Variants in CHMP4B observed in about 807,000 individuals in gnomAD.
CHMP4B encodes the protein SNF7 homolog associated with Alix 1.
In CHMP4B, 1 loss-of-function variant was observed where a neutral mutation model predicts 25.1. The observed-to-expected ratio is 0.04, with a 90% CI of 0.01 to 0.19. CHMP4B has a LOEUF of 0.19. Ranked by LOEUF, CHMP4B falls within the 10% of genes least tolerant of loss-of-function variation. CHMP4B has a pLI of 1.00. For missense variants in CHMP4B, 151 were observed against 289.7 expected (o/e 0.52, Z 3.48); for synonymous variants, 101 against 115.6 (o/e 0.87, Z 0.81).
intron 1 of CHMP4B, among the ~76,000 whole-genome samples, chr20:33,824,032 T>C (rs988754019): frequency 2.0e-5 from 3 of 152,214 alleles, no homozygotes; most frequent in Non-Finnish European, 1.5e-5. Flanking sequence ...AATCTTGTCA[T>C]TGGAAATCAA....
intron 1 of CHMP4B, among the ~76,000 whole-genome samples, chr20:33,828,425 A>C (rs919111824): frequency 2.6e-5 from 4 of 152,250 alleles, no homozygotes; most frequent in Admixed American, 6.5e-5. Context: ...AGTGCCATGC[A>C]GAAAGCCAGC....
chr20:33,845,445 C>A, intron 1 of CHMP4B, among the ~76,000 whole-genome samples: 1 of 152,068 alleles, frequency 6.6e-6, no homozygotes. Flanking sequence ...GCCTCTGCCT[C>A]CCGAGTAGCT....
chr20:33,814,662 A>G (rs545537025), intron 1 of CHMP4B, among the ~76,000 whole-genome samples: 3 of 152,182 alleles, frequency 2.0e-5, no homozygotes, highest in Non-Finnish European at 4.4e-5. Context: ...TTATTTATTC[A>G]TTCACTTTAA....
At chr20:33,816,292 T>G (rs574265128) in intron 1 of CHMP4B, among the ~76,000 whole-genome samples, 124 of 152,232 alleles carry the variant, frequency 8.1e-4, no homozygotes, top group Non-Finnish European at 1.5e-3. Context: ...TTAAATATCA[T>G]CATTTATGAA....
chr20:33,830,933 G>GTTTTTTTTTTTTTTTTTTTTTTTTTTTT (rs55917511), intron 1 of CHMP4B, among the ~76,000 whole-genome samples: 16 of 102,572 alleles, frequency 1.6e-4, no homozygotes, highest in East Asian at 4.7e-4. Flanking sequence ...AAGGAACAGA[G>GTTTTTTTTTTTTTTTTTTTTTTTTTTTT]TTTTTTTTTT....
chr20:33,837,048 T>C (rs1337593703), intron 1 of CHMP4B, among the ~76,000 whole-genome samples: 4 of 152,174 alleles, frequency 2.6e-5, no homozygotes, highest in East Asian at 3.8e-4. Context: ...AATTGGCTAG[T>C]AAGACGAATT....
At chr20:33,831,472 C>T (rs966447248) in intron 1 of CHMP4B, among the ~76,000 whole-genome samples, 20 of 152,086 alleles carry the variant, frequency 1.3e-4, no homozygotes, top group African/African-American at 4.8e-4. Flanking sequence ...TCAAGTGATC[C>T]GCCCACCTTG....
In CHMP4B at chr20:33,853,572, G is replaced by A. The variant is rs771942400; in HGVS notation, c.*12G>A. The A allele has an allele frequency of 1.2e-5, 19 of 1,610,482 alleles. No individual in the cohort carries two copies. The highest frequency in any genetic ancestry group is 8.9e-5 in the East Asian group (4 of 44,870). ...CTGGATCCATGTAATGGGGTCCAGC[G>A]CTGGCTGGGCCCAGACAGACTGTGG... On this transcript the variant is annotated 3_prime_UTR_variant, in exon 5 of 5. Transcript: ENST00000217402.
chr20:33,836,065 CA>C (rs994237703), intron 1 of CHMP4B, among the ~76,000 whole-genome samples: 1 of 152,182 alleles, frequency 6.6e-6, no homozygotes, highest in African/African-American at 2.4e-5. Context: ...CAAACCATAG[CA>C]AATATCTTCC....
At chr20:33,830,039 C>T (rs1979196880) in intron 1 of CHMP4B, among the ~76,000 whole-genome samples, 1 of 152,204 alleles carries the variant, frequency 6.6e-6, no homozygotes, top group Non-Finnish European at 1.5e-5. Flanking sequence ...TTTGATTTGA[C>T]CAGATCTGAC....
chr20:33,811,775 TC>T, intron 1 of CHMP4B, 117 bp downstream of exon 1: 4 of 1,069,474 alleles, frequency 3.7e-6, no homozygotes, highest in Non-Finnish European at 5.6e-6. Context: ...ACTCTCCGGG[TC>T]AGACTTCTTG....
At chr20:33,841,637 C>CT (rs1371881267) in intron 1 of CHMP4B, among the ~76,000 whole-genome samples, 1 of 152,232 alleles carries the variant, frequency 6.6e-6, no homozygotes, top group Admixed American at 6.5e-5. Context: ...TAGCCTTGCC[C>CT]TGCCTTCTGA....
rs916299781 is a variant in CHMP4B, at chr20:33,822,943, C to T, written c.190+11285C>T. ...CTGAGTAGCTACAGGTGCCCACCACCACGCCGGGCTAATTTTTTGTATTTT... is the reference window on the plus strand; with the variant it reads ...CTGAGTAGCTACAGGTGCCCACCACTACGCCGGGCTAATTTTTTGTATTTT... On this transcript the variant is annotated intron_variant, in intron 1 of 4. Coordinates refer to ENST00000217402, the MANE Select transcript of CHMP4B (RefSeq NM_176812.5). 3.9e-5 allele frequency among the ~76,000 whole-genome samples: 6 copies of T among 151,958 alleles called. No individual in the cohort carries two copies. In the East Asian group the frequency reaches 9.7e-4, roughly 25 times the overall value.
At chr20:33,828,009 G>C (rs1281705826) in intron 1 of CHMP4B, among the ~76,000 whole-genome samples, 1 of 152,230 alleles carries the variant, frequency 6.6e-6, no homozygotes, top group Non-Finnish European at 1.5e-5. Flanking sequence ...CTCATGCTTA[G>C]CATAAGTCCT....
In CHMP4B at chr20:33,811,668, C is replaced by T. The variant is rs202090048; in HGVS notation, c.190+10C>T. 1,230 of 1,611,714 alleles carry T rather than the reference C, an allele frequency of 7.6e-4. 6 individuals are homozygous for T. Among genetic ancestry groups the T allele is most frequent in the Middle Eastern group, 3.3e-4 (2 of 6,058 alleles). ...ACCAAAAACAAGCGCGGTGAGGCTG[C>T]CCGGCCCCTTCAGACTTGCCACGGG... On this transcript the variant is annotated intron_variant, in intron 1 of 4. Coordinates refer to ENST00000217402, the MANE Select transcript of CHMP4B (RefSeq NM_176812.5).
At chr20:33,835,048 G>A (rs368778210) in intron 1 of CHMP4B, among the ~76,000 whole-genome samples, 9 of 152,156 alleles carry the variant, frequency 5.9e-5, no homozygotes, top group East Asian at 3.9e-4. Context: ...CGCCCGCCTC[G>A]GCCTCCCAAA....
At chr20:33,811,803 C>T (rs976749851) in intron 1 of CHMP4B, 145 bp downstream of exon 1, 3 of 790,648 alleles carry the variant, frequency 3.8e-6, no homozygotes, top group Non-Finnish European at 4.3e-6. Flanking sequence ...CTGGGACCCC[C>T]TCCCCGACTC....
chr20:33,826,106 T>C (rs908059487), intron 1 of CHMP4B, among the ~76,000 whole-genome samples: 5 of 152,182 alleles, frequency 3.3e-5, no homozygotes, highest in African/African-American at 1.2e-4. Context: ...AGAAAGACAG[T>C]GCATAACTCT....
chr20:33,831,347 A>G (rs562224558), intron 1 of CHMP4B, among the ~76,000 whole-genome samples: 19 of 152,130 alleles, frequency 1.2e-4, no homozygotes, highest in African/African-American at 4.3e-4. Context: ...CGGCCTTCCA[A>G]AGTGCTGGGA....
Sources: allele counts gnomAD v4.1 joint callset (sites outside exome capture counted in the v4.1 genomes callset), GRCh38; gene constraint gnomAD v4.1.1; transcripts MANE v1.5; gene names NCBI Gene and HGNC (gene_info 2026-07-23, HGNC 2026-07-21).